The following ADGRV1 variants were observed in gnomAD, a reference collection of about 807,000 sequenced individuals.
The protein encoded by ADGRV1 is adhesion G protein-coupled receptor V1, also known as G-protein coupled receptor 98.
A neutral mutation model predicts 596.2 loss-of-function variants in ADGRV1; 359 were observed. The observed-to-expected ratio is 0.60, with a 90% confidence interval of 0.55 to 0.66. The LOEUF (loss-of-function observed/expected upper bound fraction) is 0.66. ADGRV1 is among the 30% of genes least tolerant of loss of function. The pLI, the probability that ADGRV1 is intolerant of heterozygous loss-of-function variation, is 0.00. For missense variants in ADGRV1, 7,274 were observed against 7,575.6 expected, an observed-to-expected ratio of 0.96 and a Z score of 1.48; for synonymous variants, 2,681 against 2,679.2, an observed-to-expected ratio of 1.00 and a Z score of -0.02.
At chr5:90,737,020 C>A (rs1753323856) in intron 50 of ADGRV1, among the ~76,000 whole-genome samples, 1 of 150,658 alleles carries the variant, frequency 6.6e-6, no homozygotes, top group African/African-American at 2.4e-5. Flanking sequence ...TGTTCTTTTT[C>A]TATTTCCTTT....
At position 90,810,929 on chromosome 5, in the gene ADGRV1, G is replaced by C. The variant is rs61741955; in HGVS notation, c.15669G>C (p.Gly5223=). ...NVSIHGTFSL[G]PSIVYIEEEM... ...CCATTCATGGAACATTCAGCCTTGG[G>C]CCATCCATTGTTTATATTGAAGAGG... Residue 5223 remains glycine, a synonymous_variant, in exon 74 of 90, where the codon GGG becomes GGC. Transcript: ENST00000405460. 3.1e-6 allele frequency: 5 copies of C among 1,613,978 alleles called. 1 individual carries two copies. The South Asian group carries it at 5.5e-5, about 18-fold the overall frequency.
At chr5:90,871,685 TA>T (rs1768699114) in intron 83 of ADGRV1, among the ~76,000 whole-genome samples, 1 of 152,230 alleles carries the variant, frequency 6.6e-6, no homozygotes, top group African/African-American at 2.4e-5. Flanking sequence ...CCTTGACCTT[TA>T]AAAGCCTTCC....
Position 91,025,705 on chromosome 5 carries a change from GA to G in ADGRV1, c.18152+40187del, listed in dbSNP as rs1379341076. ...AGGGGCATCACCAATCAGCAACAGT[GA>G]AAAGGGCCGCAAAACCCACACATTT... On this transcript the variant is annotated intron_variant, in intron 85 of 89. Transcript: ENST00000405460. Among the ~76,000 whole-genome samples the G allele has an allele frequency of 1.6e-4, 24 of 152,204 alleles. No homozygotes were observed. In the East Asian group the frequency reaches 4.7e-3, roughly 30 times the overall value.
chr5:91,041,464 C>T (rs1303520964), intron 85 of ADGRV1, among the ~76,000 whole-genome samples: 1 of 151,618 alleles, frequency 6.6e-6, no homozygotes, highest in Non-Finnish European at 1.5e-5. Flanking sequence ...GGGAGGGGAA[C>T]ATCACACACT....
intron 21 of ADGRV1, among the ~76,000 whole-genome samples, chr5:90,671,726 CT>C (rs72191425): frequency 0.012 from 1,886 of 152,056 alleles, 35 homozygotes; most frequent in African/African-American, 0.043. Flanking sequence ...ATTTTTGGTT[CT>C]TTTTTCTCCA....
At chr5:90,965,367 T>C in intron 83 of ADGRV1, 48 bp from the exon 84 acceptor site, 1 of 1,145,252 alleles carries the variant, frequency 8.7e-7, no homozygotes, top group Non-Finnish European at 1.3e-6. Flanking sequence ...TTAATATTCT[T>C]CATCGATTTT....
At position 91,031,188 on chromosome 5, in the gene ADGRV1, G is replaced by A. The variant is rs1286305461; in HGVS notation, c.18153-41259G>A. On this transcript the variant is annotated intron_variant, in intron 85 of 89. Transcript: ENST00000405460. The stretch of plus-strand genomic sequence containing the variant: ...TTGTCCACAACCAAAAAGGCAAGAA[G>A]AGTAATCGAGATTTCCAGGAGTGTG... The A allele has an allele frequency of 2.7e-6, 4 of 1,487,880 alleles. No homozygotes were observed. In the African/African-American group the frequency reaches 5.6e-5, roughly 21 times the overall value. 92.2% of individuals were successfully genotyped at this position (1,487,880 alleles called of 1,614,324 possible). A position where few individuals can be genotyped will look rare whatever the true frequency, so the allele number is the denominator to read the frequency against.
At chr5:91,065,085 A>G (rs1409603624) in intron 85 of ADGRV1, among the ~76,000 whole-genome samples, 1 of 152,252 alleles carries the variant, frequency 6.6e-6, no homozygotes, top group Non-Finnish European at 1.5e-5. Flanking sequence ...ATAAGCAGAT[A>G]TACTGTACTC....
intron 85 of ADGRV1, among the ~76,000 whole-genome samples, chr5:91,040,315 C>CTTTTAAAA (rs1480262400): frequency 2.0e-5 from 3 of 152,092 alleles, no homozygotes; most frequent in Non-Finnish European, 4.4e-5. Flanking sequence ...TCTCTGAGAT[C>CTTTTAAAA]TTTTAAAATA....
intron 85 of ADGRV1, chr5:91,031,364 C>G (rs536683412): frequency 8.3e-7 from 1 of 1,200,950 alleles, no homozygotes; most frequent in African/African-American, 1.5e-5. Context: ...CATCCGCTGA[C>G]GGAAGTTCAT....
chr5:90,779,220 G>A (rs1758590147), intron 64 of ADGRV1, 123 bp downstream of exon 64: 3 of 579,468 alleles, frequency 5.2e-6, no homozygotes, highest in East Asian at 2.8e-5. Flanking sequence ...TCTCAGATTT[G>A]TGTGACATTA....
At chr5:90,661,376 C>G (rs4916682) in intron 21 of ADGRV1, among the ~76,000 whole-genome samples, 2 of 151,996 alleles carry the variant, frequency 1.3e-5, no homozygotes, top group African/African-American at 2.4e-5. Flanking sequence ...TTCATGAAAA[C>G]AAGAATATCA....
At chr5:90,912,865 T>C (rs1302253715) in intron 83 of ADGRV1, among the ~76,000 whole-genome samples, 4 of 152,168 alleles carry the variant, frequency 2.6e-5, no homozygotes, top group Non-Finnish European at 5.9e-5. Context: ...TTGTAAATAG[T>C]CCAGCATCAT....
chr5:90,742,764 T>C (rs184155272), intron 50 of ADGRV1, among the ~76,000 whole-genome samples: 58 of 152,236 alleles, frequency 3.8e-4, no homozygotes, highest in Non-Finnish European at 6.2e-4. Flanking sequence ...TAGGTGATGC[T>C]GGTTAGAGAA....
chr5:90,868,950 T>G (rs1265051068), intron 83 of ADGRV1, among the ~76,000 whole-genome samples: 1 of 152,168 alleles, frequency 6.6e-6, no homozygotes, highest in Non-Finnish European at 1.5e-5. Context: ...AAGACCATTA[T>G]TCATCCAGCA....
intron 87 of ADGRV1, among the ~76,000 whole-genome samples, chr5:91,140,623 C>G (rs1795019370): frequency 6.6e-6 from 1 of 152,048 alleles, no homozygotes; most frequent in Non-Finnish European, 1.5e-5. Flanking sequence ...ACCTCAATAC[C>G]ATTTGACCAC....
At chr5:91,129,006 C>T (rs369535296) in intron 87 of ADGRV1, among the ~76,000 whole-genome samples, 1 of 152,192 alleles carries the variant, frequency 6.6e-6, no homozygotes, top group African/African-American at 2.4e-5. Flanking sequence ...GGAAAAACCT[C>T]GGTTCAAAAT....
rs1034762400 is a variant in ADGRV1 at position 90,690,968 on chromosome 5, C to G, written c.6878C>G (p.Thr2293Ser). The G allele has an allele frequency of 6.2e-7, 1 of 1,613,694 alleles. No homozygotes were observed. Among genetic ancestry groups the G allele is most frequent in the Non-Finnish European group, 8.5e-7 (1 of 1,179,804 alleles). The change falls in exon 31 of 90, where the codon ACC becomes AGC. Residue 2293 changes from threonine (T) to serine (S), a missense_variant. Physicochemically the swap from Thr to Ser is moderately conservative, Grantham distance 58 (BLOSUM62 1). This residue lies in a region of ADGRV1 where 3,643 missense variants were observed against 3,809.2 expected (regional missense o/e 0.96). Coordinates refer to ENST00000405460, the MANE Select transcript of ADGRV1 (RefSeq NM_032119.4). ...CTGCGAGTTGTCTCAGGTAATGTGA[C>G]CTTTGCCCCTGGGGAAACCATTCAA... ...GDLRVVSGNV[T>S]FAPGETIQTL... is the part of the protein sequence containing the mutation.
At position 90,823,349 on chromosome 5, in the gene ADGRV1, A is replaced by C. The variant is rs138280256; in HGVS notation, c.16197-76A>C. The C allele has an allele frequency of 2.8e-4, 391 of 1,411,774 alleles. 2 individuals carry two copies. The African/African-American group carries it at 4.4e-3, about 16-fold the overall frequency. The allele number at this position is 1,411,774 out of a possible 1,614,324, so 87.5% of individuals were successfully genotyped here. Reference sequence around the variant, plus strand: ...GGTATACTTTGGATGAAGAGGTACCATTATTTGATAATAAACTCTATTAGA... The same window carrying C: ...GGTATACTTTGGATGAAGAGGTACCCTTATTTGATAATAAACTCTATTAGA... On this transcript the variant is annotated intron_variant, in intron 75 of 89. Coordinates refer to ENST00000405460, the MANE Select transcript of ADGRV1 (RefSeq NM_032119.4).
Sources: allele counts gnomAD v4.1 joint callset (sites outside exome capture counted in the v4.1 genomes callset), GRCh38; gene constraint gnomAD v4.1.1; regional missense constraint gnomAD v4.1.1; transcripts MANE v1.5; gene names NCBI Gene and HGNC (gene_info 2026-07-23, HGNC 2026-07-21).